Variants in EEFSEC observed in about 807,000 individuals in gnomAD.
The protein encoded by EEFSEC is eukaryotic elongation factor, selenocysteine-tRNA specific.
In EEFSEC, 43 loss-of-function variants were observed where a neutral mutation model predicts 42.1. The ratio of observed to expected loss-of-function variants is 1.02; its 90% confidence interval spans 0.80 to 1.32. The LOEUF (loss-of-function observed/expected upper bound fraction) is 1.32, where lower values mean the gene tolerates loss of function less well. Among genes scored for constraint, EEFSEC ranks in the 40% most tolerant of loss-of-function variants. EEFSEC has a pLI of 0.00. For synonymous variants in EEFSEC, 354 were observed against 339.1 expected, an observed-to-expected ratio of 1.04 and a Z score of -0.48; for missense variants, 745 against 803.6, an observed-to-expected ratio of 0.93 and a Z score of 0.88.
intron 4 of EEFSEC, among the ~76,000 whole-genome samples, chr3:128,336,217 TCAGCTGTTCTTTACACAC>T (rs1457981475): frequency 2.6e-5 from 4 of 152,100 alleles, no homozygotes; most frequent in Admixed American, 1.3e-4. Context: ...TCTTTACACA[TCAGCTGTTCTTTACACAC>T]CAGCTGTTCT....
chr3:128,249,565 T>C (rs1177200484), intron 2 of EEFSEC, among the ~76,000 whole-genome samples: 1 of 152,222 alleles, frequency 6.6e-6, no homozygotes, highest in East Asian at 1.9e-4. Flanking sequence ...ACATAAACTC[T>C]GTAGCCATTA....
chr3:128,335,468 G>C (rs1220777205), intron 4 of EEFSEC, among the ~76,000 whole-genome samples: 2 of 152,228 alleles, frequency 1.3e-5, no homozygotes, highest in South Asian at 4.1e-4. Context: ...TGAGGTGGGA[G>C]CATGCCTGGC....
chr3:128,348,083 G>A (rs1002107993), intron 5 of EEFSEC, among the ~76,000 whole-genome samples: 20 of 152,254 alleles, frequency 1.3e-4, no homozygotes, highest in African/African-American at 4.8e-4. Flanking sequence ...AACAGTGAAT[G>A]AAAAAGACAA....
chr3:128,359,701 A>G lies in EEFSEC; in HGVS notation c.1600+1328A>G, dbSNP rs1354134897. Among the ~76,000 whole-genome samples, 2 of 152,260 alleles carry G rather than the reference A, an allele frequency of 1.3e-5. 1 individual carries two copies. The highest frequency in any genetic ancestry group is 4.8e-5 in the African/African-American group (2 of 41,476). On this transcript the variant is annotated intron_variant, in intron 6 of 6. Coordinates refer to ENST00000254730, the MANE Select transcript of EEFSEC (RefSeq NM_021937.5). ...AACACCTTTACCCACTCCTGATTTT[A>G]TATTGACATGTTACTGTCCTCTACA...
chr3:128,282,228 G>A (rs2066534206), intron 4 of EEFSEC, among the ~76,000 whole-genome samples: 1 of 152,222 alleles, frequency 6.6e-6, no homozygotes, highest in South Asian at 2.1e-4. Context: ...GCCAGCCACT[G>A]GTGGTGGGAA....
At chr3:128,233,935 T>A (rs930200955) in intron 1 of EEFSEC, among the ~76,000 whole-genome samples, 2 of 152,236 alleles carry the variant, frequency 1.3e-5, no homozygotes, top group African/African-American at 4.8e-5. Context: ...TTAAGATTAA[T>A]TGAAATAATG....
rs1293978360 is a variant in EEFSEC, at chr3:128,317,043, T to G, written c.787-24190T>G. ...TTTAACTTTATAAGTTGCTCTCTTT[T>G]GATGTGCAAGAGCACATCTGGGGTC... On this transcript the variant is annotated intron_variant, in intron 4 of 6. Coordinates refer to ENST00000254730, the MANE Select transcript of EEFSEC (RefSeq NM_021937.5). The surrounding 1 kb of genome is among the most constrained non-coding windows in gnomAD (Gnocchi z 4.1). Among the ~76,000 whole-genome samples, 1 of 152,226 alleles carries G rather than the reference T, an allele frequency of 6.6e-6. No homozygotes were observed. Among genetic ancestry groups the G allele is most frequent in the Non-Finnish European group, 1.5e-5 (1 of 68,044 alleles).
At chr3:128,189,714 G>A (rs115334257) in intron 1 of EEFSEC, among the ~76,000 whole-genome samples, 21 of 150,832 alleles carry the variant, frequency 1.4e-4, no homozygotes, top group African/African-American at 5.1e-4. Context: ...TCACCACCAT[G>A]CCCAGCTAGT....
At chr3:128,333,066 C>T (rs2067151644) in intron 4 of EEFSEC, among the ~76,000 whole-genome samples, 1 of 152,192 alleles carries the variant, frequency 6.6e-6, no homozygotes, top group South Asian at 2.1e-4. Flanking sequence ...TGTTTCTTTT[C>T]CTCTCCGATT....
intron 1 of EEFSEC, among the ~76,000 whole-genome samples, chr3:128,227,259 A>G (rs747410757): frequency 6.6e-6 from 1 of 152,134 alleles, no homozygotes; most frequent in Non-Finnish European, 1.5e-5. Flanking sequence ...CACCCTTTTC[A>G]TGAAGGAATT....
intron 5 of EEFSEC, among the ~76,000 whole-genome samples, chr3:128,350,153 G>A (rs542127032): frequency 6.6e-5 from 10 of 152,350 alleles, no homozygotes; most frequent in Admixed American, 2.0e-4. Context: ...CTGAAGCGGC[G>A]CTGCCTCCTG....
chr3:128,239,120 A>G (rs1350408864), intron 1 of EEFSEC, among the ~76,000 whole-genome samples: 2 of 152,204 alleles, frequency 1.3e-5, no homozygotes, highest in Non-Finnish European at 2.9e-5. Flanking sequence ...CCAGTGGTGG[A>G]TACAGTGATC....
chr3:128,403,684 C>T (rs1293238631), intron 6 of EEFSEC, among the ~76,000 whole-genome samples: 2 of 134,608 alleles, frequency 1.5e-5, no homozygotes, highest in South Asian at 2.4e-4. Context: ...CTGCCCTCAG[C>T]GCCTCTCGCA....
At chr3:128,382,221 G>T (rs1342866801) in intron 6 of EEFSEC, among the ~76,000 whole-genome samples, 1 of 152,176 alleles carries the variant, frequency 6.6e-6, no homozygotes, top group Non-Finnish European at 1.5e-5. Context: ...AATCAGAAAT[G>T]CTTCCTTCAG....
intron 2 of EEFSEC, among the ~76,000 whole-genome samples, chr3:128,260,966 C>CAA (rs63448265): frequency 1.3e-3 from 44 of 34,772 alleles, no homozygotes; most frequent in African/African-American, 2.3e-3. Flanking sequence ...ACAGCCAAGG[C>CAA]AAAAAAAAAA....
intron 4 of EEFSEC, among the ~76,000 whole-genome samples, chr3:128,322,019 G>A (rs545901102): frequency 9.2e-5 from 14 of 152,320 alleles, no homozygotes; most frequent in African/African-American, 2.6e-4. Context: ...CAGCAGCACC[G>A]CTCCTCTCTG....
At chr3:128,200,248 G>C (rs2065629772) in intron 1 of EEFSEC, among the ~76,000 whole-genome samples, 1 of 152,148 alleles carries the variant, frequency 6.6e-6, no homozygotes, top group Non-Finnish European at 1.5e-5. Context: ...CTCCAGTTCT[G>C]TGGCGGTAAC....
At chr3:128,275,134 G>A (rs920579028) in intron 4 of EEFSEC, among the ~76,000 whole-genome samples, 1 of 152,194 alleles carries the variant, frequency 6.6e-6, no homozygotes, top group Non-Finnish European at 1.5e-5. Context: ...GCAGTGACCT[G>A]AGGACTGGCA....
At chr3:128,183,940 G>C (rs548921215) in intron 1 of EEFSEC, among the ~76,000 whole-genome samples, 2 of 152,116 alleles carry the variant, frequency 1.3e-5, no homozygotes, top group Non-Finnish European at 2.9e-5. Flanking sequence ...TTTTTGCATT[G>C]CCTGAGAGGA....
Sources: gnomAD v4.1 joint callset for allele counts (sites outside exome capture counted in the v4.1 genomes callset) on GRCh38, gnomAD v4.1.1 for gene constraint, Gnocchi (gnomAD v3.1) non-coding constraint, MANE v1.5 for transcripts, NCBI Gene and HGNC (gene_info 2026-07-23, HGNC 2026-07-21) for gene names.